Variants in ARHGAP6 observed in about 807,000 individuals in gnomAD.
ARHGAP6 encodes the protein rho GTPase-activating protein 6.
A neutral mutation model predicts 55.7 loss-of-function variants in ARHGAP6; 16 were observed. That is an observed-to-expected ratio of 0.29 (90% CI 0.19 to 0.44). ARHGAP6 has a LOEUF of 0.44. ARHGAP6 is among the 20% of genes least tolerant of loss of function. The probability of loss-of-function intolerance (pLI) is 1.00; values close to 1 mark genes in which losing one functional copy is unlikely to be tolerated. For missense variants in ARHGAP6, 698 were observed against 808.9 expected (o/e 0.86, Z 1.66); for synonymous variants, 382 against 360.9 (o/e 1.06, Z -0.66).
intron 9 of ARHGAP6, among the ~76,000 whole-genome samples, chrX:11,159,649 G>A (rs1310355502): frequency 1.8e-5 from 2 of 110,893 alleles, no homozygotes; most frequent in Admixed American, 1.9e-4. Context: ...AATGTTTAGA[G>A]GTTTGCAAGA....
At chrX:11,235,567 T>G (rs763166367) in intron 2 of ARHGAP6, among the ~76,000 whole-genome samples, 11 of 111,503 alleles carry the variant, frequency 9.9e-5, no homozygotes, top group Non-Finnish European at 1.7e-4. Context: ...GGGTTTTTCT[T>G]TTCTATTGCA....
chrX:11,174,664 TTTCTTTCTTTCTTTCTTTCTTTCA>T (rs2046179384), intron 8 of ARHGAP6, among the ~76,000 whole-genome samples: 1 of 89,893 alleles, frequency 1.1e-5, no homozygotes, highest in Admixed American at 1.3e-4. Flanking sequence ...TCTTTCTTTC[TTTCTTTCTTTCTTTCTTTCTTTCA>T]TTCATTTATT....
At chrX:11,271,904 CA>C (rs2147516237) in intron 1 of ARHGAP6, among the ~76,000 whole-genome samples, 1 of 111,944 alleles carries the variant, frequency 8.9e-6, no homozygotes, top group East Asian at 2.8e-4. Context: ...TCTTCCAAAG[CA>C]AAATGACCTC....
chrX:11,652,075 T>C (rs1292159714), intron 1 of ARHGAP6, among the ~76,000 whole-genome samples: 4 of 112,411 alleles, frequency 3.6e-5, no homozygotes, highest in Admixed American at 9.4e-5. Context: ...TTTTCTCCTA[T>C]TCTGTAGGCT....
intron 1 of ARHGAP6, among the ~76,000 whole-genome samples, chrX:11,618,189 T>C (rs1463175959): frequency 9.0e-6 from 1 of 111,494 alleles, no homozygotes; most frequent in Non-Finnish European, 1.9e-5. Context: ...ACTTCTTCCC[T>C]AGACCCTCCA....
At chrX:11,176,300 CATATATATATATATATATATAT>C (rs59647126) in intron 8 of ARHGAP6, among the ~76,000 whole-genome samples, 723 of 15,626 alleles carry the variant, frequency 0.046, 37 homozygotes, top group Admixed American at 0.084. Flanking sequence ...TATTTGCATG[CATATATATATATATATATATAT>C]ATATATATAT....
intron 1 of ARHGAP6, among the ~76,000 whole-genome samples, chrX:11,360,023 C>T (rs1275890333): frequency 3.6e-5 from 4 of 111,412 alleles, no homozygotes; most frequent in African/African-American, 9.8e-5. Flanking sequence ...AATAGCTTAC[C>T]AACCAAAAAG....
At chrX:11,331,019 T>A (rs2048556956) in intron 1 of ARHGAP6, among the ~76,000 whole-genome samples, 1 of 111,922 alleles carries the variant, frequency 8.9e-6, no homozygotes, top group South Asian at 3.8e-4. Flanking sequence ...CTCCTCTCAG[T>A]CCCATTTTGC....
In ARHGAP6 at chrX:11,186,270, C is replaced by T. The variant is rs45624238; in HGVS notation, c.1239G>A (p.Leu413=). 1,119 of 1,209,179 alleles carry T rather than the reference C, an allele frequency of 9.3e-4. 6 individuals carry two copies. The African/African-American group carries it at 0.017, about 18-fold the overall frequency. Residue 413 remains leucine, a synonymous_variant, in exon 5 of 13, where the codon CTG becomes CTA. Transcript: ENST00000337414. The stretch of plus-strand genomic sequence containing the variant: ...CTAGGTGCTGACAGCAGCTGTCCAC[C>T]AGCCTAGGGACCTGTCTGTAAATAG... ...LNPIYRQVPR[L]VDSCCQHLEK...
At chrX:11,169,417 G>C (rs2046058159) in intron 9 of ARHGAP6, 88 bp downstream of exon 9, 17 of 938,835 alleles carry the variant, frequency 1.8e-5, no homozygotes, top group East Asian at 3.4e-5. Flanking sequence ...CTGCACCCCA[G>C]AGGGTGGTCT....
chrX:11,269,725 C>A (rs1319630495), intron 1 of ARHGAP6, among the ~76,000 whole-genome samples: 1 of 111,968 alleles, frequency 8.9e-6, no homozygotes, highest in Non-Finnish European at 1.9e-5. Flanking sequence ...CAGACTCTAT[C>A]TTTGTATTGC....
intron 1 of ARHGAP6, among the ~76,000 whole-genome samples, chrX:11,259,794 C>T (rs1215429756): frequency 9.0e-6 from 1 of 111,400 alleles, no homozygotes; most frequent in Non-Finnish European, 1.9e-5. Flanking sequence ...TGAGTTGCCC[C>T]TCTGCCCACA....
At chrX:11,484,578 G>A (rs1329320143) in intron 1 of ARHGAP6, among the ~76,000 whole-genome samples, 2 of 106,636 alleles carry the variant, frequency 1.9e-5, no homozygotes, top group African/African-American at 7.0e-5. Flanking sequence ...GGAGAAAGGA[G>A]AAGAAGAAAA....
At chrX:11,610,576 T>TAAAC (rs1476476046) in intron 1 of ARHGAP6, among the ~76,000 whole-genome samples, 1 of 112,092 alleles carries the variant, frequency 8.9e-6, no homozygotes, top group Non-Finnish European at 1.9e-5. Flanking sequence ...TGAAACATCA[T>TAAAC]AAACATATGT....
At chrX:11,214,565 G>C (rs758649673) in intron 2 of ARHGAP6, among the ~76,000 whole-genome samples, 7 of 112,714 alleles carry the variant, frequency 6.2e-5, no homozygotes, top group Non-Finnish European at 1.3e-4. Context: ...CCCCACTCCT[G>C]GGTCCTTGCT....
chrX:11,514,067 CA>C (rs1257424504), intron 1 of ARHGAP6, among the ~76,000 whole-genome samples: 3 of 98,549 alleles, frequency 3.0e-5, no homozygotes, highest in Non-Finnish European at 4.0e-5. Flanking sequence ...GAGGCTGAGG[CA>C]GGAGAATTGC....
chrX:11,628,216 A>T (rs1287598990), intron 1 of ARHGAP6, among the ~76,000 whole-genome samples: 1 of 112,523 alleles, frequency 8.9e-6, no homozygotes, highest in Non-Finnish European at 1.9e-5. Context: ...TCTGTCTGTC[A>T]TCTAAAATGG....
At chrX:11,363,973 C>A (rs1347114863) in intron 1 of ARHGAP6, among the ~76,000 whole-genome samples, 1 of 111,846 alleles carries the variant, frequency 8.9e-6, no homozygotes, top group South Asian at 3.7e-4. Context: ...CAACAGTAGA[C>A]TGGATAAAGA....
intron 1 of ARHGAP6, among the ~76,000 whole-genome samples, chrX:11,654,548 A>C (rs1352081920): frequency 8.9e-6 from 1 of 111,819 alleles, no homozygotes. Flanking sequence ...GCTTTTTAAT[A>C]GTTCAGGTGA....
Sources: gnomAD v4.1 joint callset for allele counts (sites outside exome capture counted in the v4.1 genomes callset) on GRCh38, gnomAD v4.1.1 for gene constraint, MANE v1.5 for transcripts, NCBI Gene and HGNC (gene_info 2026-07-23, HGNC 2026-07-21) for gene names.